Variants in LRMDA observed in about 807,000 individuals in gnomAD.
LRMDA encodes the protein leucine rich melanocyte differentiation associated, also known as leucine-rich melanocyte differentiation-associated protein.
In LRMDA, 18 loss-of-function variants were observed where a neutral mutation model predicts 29.8. The observed-to-expected ratio is 0.60, with a 90% CI of 0.42 to 0.90. The LOEUF (loss-of-function observed/expected upper bound fraction) is 0.90. Ranked by LOEUF, LRMDA falls within the 40% of genes least tolerant of loss-of-function variation. The pLI is 0.00. For missense variants in LRMDA, 273 were observed against 273.9 expected (o/e 1.00, Z 0.02); for synonymous variants, 125 against 109.4 (o/e 1.14, Z -0.89).
chr10:75,784,566 G>A (rs1434884712), intron 2 of LRMDA, among the ~76,000 whole-genome samples: 1 of 152,072 alleles, frequency 6.6e-6, no homozygotes, highest in African/African-American at 2.4e-5. Context: ...GGGCTTGGTG[G>A]TGGGTGCCTG....
At chr10:75,991,357 C>T (rs756318772) in intron 2 of LRMDA, among the ~76,000 whole-genome samples, 17 of 152,202 alleles carry the variant, frequency 1.1e-4, no homozygotes, top group African/African-American at 3.9e-4. Context: ...CTCTTCTGCC[C>T]GTGGAATCTG....
chr10:76,226,529 C>T (rs1439356488), intron 5 of LRMDA, among the ~76,000 whole-genome samples: 1 of 151,984 alleles, frequency 6.6e-6, no homozygotes, highest in Non-Finnish European at 1.5e-5. Context: ...GTTGCAGTGA[C>T]CCGAGATCAC....
chr10:75,886,180 T>C (rs1845384391), intron 2 of LRMDA, among the ~76,000 whole-genome samples: 1 of 152,222 alleles, frequency 6.6e-6, no homozygotes, highest in Non-Finnish European at 1.5e-5. Flanking sequence ...AGATGGTTTC[T>C]AGTGTATGAC....
intron 2 of LRMDA, among the ~76,000 whole-genome samples, chr10:75,978,496 G>C (rs1363090076): frequency 6.6e-6 from 1 of 152,150 alleles, no homozygotes; most frequent in Non-Finnish European, 1.5e-5. Flanking sequence ...CCAGAGTTTA[G>C]TCACAGAGCC....
intron 5 of LRMDA, among the ~76,000 whole-genome samples, chr10:76,150,112 G>C (rs573438638): frequency 6.6e-6 from 1 of 152,274 alleles, no homozygotes; most frequent in African/African-American, 2.4e-5. Context: ...CTAACTAAAG[G>C]CTGCCAACCA....
chr10:76,122,406 A>G (rs1297566295), intron 5 of LRMDA, among the ~76,000 whole-genome samples: 1 of 151,916 alleles, frequency 6.6e-6, no homozygotes, highest in Non-Finnish European at 1.5e-5. Context: ...AAGACTTTGG[A>G]ACTGGGCAAT....
At chr10:75,610,599 A>G (rs1016135569) in intron 2 of LRMDA, among the ~76,000 whole-genome samples, 8 of 152,258 alleles carry the variant, frequency 5.3e-5, no homozygotes, top group African/African-American at 1.9e-4. Context: ...GTCCAACTCC[A>G]TGGATGAGGG....
At chr10:75,783,828 C>T (rs767787607) in intron 2 of LRMDA, among the ~76,000 whole-genome samples, 9 of 152,122 alleles carry the variant, frequency 5.9e-5, no homozygotes, top group Admixed American at 6.5e-5. Context: ...TTCAATCAAG[C>T]GAAATGCCCC....
At chr10:75,805,242 G>T (rs1168187621) in intron 2 of LRMDA, among the ~76,000 whole-genome samples, 2 of 152,096 alleles carry the variant, frequency 1.3e-5, no homozygotes, top group South Asian at 2.1e-4. Flanking sequence ...TAGTGAGTTG[G>T]GGCTTGGAAT....
chr10:75,531,977 T>C (rs1294792089), intron 2 of LRMDA, among the ~76,000 whole-genome samples: 1 of 150,538 alleles, frequency 6.6e-6, no homozygotes, highest in African/African-American at 2.5e-5. Flanking sequence ...GCCCAGGAAT[T>C]TGAGGCTGTG....
chr10:76,166,174 A>G (rs1424447183), intron 5 of LRMDA, among the ~76,000 whole-genome samples: 3 of 152,086 alleles, frequency 2.0e-5, no homozygotes, highest in Non-Finnish European at 2.9e-5. Context: ...TTTATGGGTC[A>G]TTTTCTATGT....
At chr10:75,732,819 A>G (rs1842715933) in intron 2 of LRMDA, among the ~76,000 whole-genome samples, 1 of 152,184 alleles carries the variant, frequency 6.6e-6, no homozygotes, top group Admixed American at 6.5e-5. Context: ...GGTGGAGGGC[A>G]CACTGTGGCA....
intron 6 of LRMDA, among the ~76,000 whole-genome samples, chr10:76,450,640 G>A (rs1842396659): frequency 6.6e-6 from 1 of 152,034 alleles, no homozygotes; most frequent in African/African-American, 2.4e-5. Flanking sequence ...GGAATATTGA[G>A]AAATATTCTT....
chr10:75,674,219 C>A (rs1032873620), intron 2 of LRMDA, among the ~76,000 whole-genome samples: 1 of 152,098 alleles, frequency 6.6e-6, no homozygotes, highest in Non-Finnish European at 1.5e-5. Context: ...TTTGATTAAG[C>A]CATTAGAAAA....
At chr10:75,902,559 A>G (rs1268106464) in intron 2 of LRMDA, among the ~76,000 whole-genome samples, 1 of 151,946 alleles carries the variant, frequency 6.6e-6, no homozygotes, top group Non-Finnish European at 1.5e-5. Flanking sequence ...TTGTTTGTTT[A>G]TTCATTCCTT....
intron 5 of LRMDA, among the ~76,000 whole-genome samples, chr10:76,323,376 C>G (rs1163111602): frequency 1.3e-5 from 2 of 152,132 alleles, no homozygotes; most frequent in East Asian, 3.9e-4. Context: ...AAATATATCC[C>G]ATAGAATGTA....
intron 6 of LRMDA, among the ~76,000 whole-genome samples, chr10:76,363,176 A>AGAAAGAAAGGAG (rs1459442138): frequency 5.1e-4 from 11 of 21,770 alleles, no homozygotes; most frequent in South Asian, 4.6e-3. Flanking sequence ...AAAGAAAGAA[A>AGAAAGAAAGGAG]GGAGGGAGGG....
At chr10:76,158,120 A>C (rs1392082397) in intron 5 of LRMDA, among the ~76,000 whole-genome samples, 1 of 152,106 alleles carries the variant, frequency 6.6e-6, no homozygotes, top group Admixed American at 6.5e-5. Flanking sequence ...CTTTTCTATG[A>C]TGGCCTCAGA....
intron 2 of LRMDA, among the ~76,000 whole-genome samples, chr10:75,918,044 A>G (rs1040883423): frequency 6.6e-6 from 1 of 152,318 alleles, no homozygotes; most frequent in South Asian, 2.1e-4. Context: ...CAAGATGGTG[A>G]CAAAGCAGGA....
Sources: gnomAD v4.1 joint callset for allele counts (sites outside exome capture counted in the v4.1 genomes callset) on GRCh38, gnomAD v4.1.1 for gene constraint, MANE v1.5 for transcripts, NCBI Gene and HGNC (gene_info 2026-07-23, HGNC 2026-07-21) for gene names.